The following ZNF566 variants were observed in gnomAD, a reference collection of about 807,000 sequenced individuals.
The protein encoded by ZNF566 is zinc finger protein 566.
Under a neutral mutation model 32.8 loss-of-function variants are expected in ZNF566, and 27 were observed. That is an observed-to-expected ratio of 0.82 (90% confidence interval 0.61 to 1.14). The LOEUF is 1.14. ZNF566 is among the 50% of genes most tolerant of loss of function. ZNF566 has a pLI of 0.00. For synonymous variants in ZNF566, 154 were observed against 159.5 expected (o/e 0.97, Z 0.26); for missense variants, 402 against 490.4 (o/e 0.82, Z 1.70).
chr19:36,448,864 T>C lies in ZNF566; in HGVS notation c.*113A>G. 1 of 898,948 alleles carries C rather than the reference T, an allele frequency of 1.1e-6. No individual in the cohort carries two copies. Among genetic ancestry groups the C allele is most frequent in the East Asian group, 2.8e-5 (1 of 36,330 alleles). 55.7% of individuals were successfully genotyped at this position (898,948 alleles called of 1,614,324 possible). On this transcript the variant is annotated 3_prime_UTR_variant, in exon 5 of 5. Coordinates refer to ENST00000452939, the MANE Select transcript of ZNF566 (RefSeq NM_001145344.1). ...TTTTCCCAGGCTGAATAAGCTGTAG[T>C]CCACAAATAAAATGTTTCTACATTA...
chr19:36,472,673 A>G (rs1438244529), intron 4 of ZNF566, among the ~76,000 whole-genome samples: 1 of 152,214 alleles, frequency 6.6e-6, no homozygotes, highest in Admixed American at 6.5e-5. Context: ...GAATATCACT[A>G]GAAAGGGTGG....
chr19:36,459,511 C>G (rs1033254782), intron 4 of ZNF566, among the ~76,000 whole-genome samples: 3 of 149,890 alleles, frequency 2.0e-5, no homozygotes, highest in Non-Finnish European at 4.4e-5. Context: ...CCGCTCCCAG[C>G]CTATTACTTT....
rs767956810 is a variant in ZNF566 at position 36,472,947 on chromosome 19, A to G, written c.196T>C (p.Leu66=). Residue 66 remains leucine, a synonymous_variant, in exon 4 of 5, where the codon TTG becomes CTG. Transcript: ENST00000452939. ...SYLEQGKEPW[L]ADRELTRGQW... ...CCTCTTGTTAGCTCTCTGTCAGCCAACCAGGGCTCCTTCCCTTGCTCCAAG... is the reference window on the plus strand; with the variant it reads ...CCTCTTGTTAGCTCTCTGTCAGCCAGCCAGGGCTCCTTCCCTTGCTCCAAG... 2.5e-6 allele frequency: 4 copies of G among 1,614,000 alleles called. No individual in the cohort carries two copies. In the African/African-American group the frequency reaches 4.0e-5, roughly 16 times the overall value.
intron 1 of ZNF566, among the ~76,000 whole-genome samples, chr19:36,485,936 C>A (rs1376326750): frequency 6.6e-6 from 1 of 151,972 alleles, no homozygotes; most frequent in Non-Finnish European, 1.5e-5. Flanking sequence ...CTCCTATAGT[C>A]CCAGCTGCTC....
chr19:36,478,563 A>T (rs1047326625), intron 1 of ZNF566, among the ~76,000 whole-genome samples: 21 of 151,710 alleles, frequency 1.4e-4, no homozygotes, highest in African/African-American at 4.6e-4. Flanking sequence ...CCCATGCTGA[A>T]TTCTTACATC....
In ZNF566 at chr19:36,472,949, C is replaced by A. The variant is rs1444896425; in HGVS notation, c.194G>T (p.Trp65Leu). The change falls in exon 4 of 5, where the codon TGG becomes TTG. Residue 65 changes from tryptophan (W) to leucine (L), a missense_variant. This residue lies in a region of ZNF566 where 220 missense variants were observed against 241.9 expected (regional missense o/e 0.91). Transcript: ENST00000452939. ...ISYLEQGKEP[W>L]LADRELTRGQ... Reference sequence around the variant, plus strand: ...TCTTGTTAGCTCTCTGTCAGCCAACCAGGGCTCCTTCCCTTGCTCCAAGTA... The same window carrying A: ...TCTTGTTAGCTCTCTGTCAGCCAACAAGGGCTCCTTCCCTTGCTCCAAGTA... 2 of 1,613,932 alleles carry A rather than the reference C, an allele frequency of 1.2e-6. No individual in the cohort carries two copies. The highest frequency in any genetic ancestry group is 2.2e-5 in the South Asian group (2 of 91,068).
intron 4 of ZNF566, among the ~76,000 whole-genome samples, chr19:36,458,172 A>G (rs1326295036): frequency 6.6e-6 from 1 of 152,194 alleles, no homozygotes; most frequent in East Asian, 1.9e-4. Context: ...AGCATCATTC[A>G]TGATAGCCAA....
intron 4 of ZNF566, among the ~76,000 whole-genome samples, chr19:36,470,812 A>G (rs2033743719): frequency 6.6e-6 from 1 of 152,096 alleles, no homozygotes; most frequent in African/African-American, 2.4e-5. Context: ...CGGGAGGATG[A>G]GGCACGAGAA....
At position 36,448,898 on chromosome 19, in the gene ZNF566, A is replaced by C; in HGVS notation, c.*79T>G. ...AAAATGTTTCTACATTATTCTATCT[A>C]GAGGAATTATTAACAAGATAAATTC... On this transcript the variant is annotated 3_prime_UTR_variant, in exon 5 of 5. Coordinates refer to ENST00000452939, the MANE Select transcript of ZNF566 (RefSeq NM_001145344.1). 1 of 1,197,642 alleles carries C rather than the reference A, an allele frequency of 8.3e-7. No individual in the cohort carries two copies. The highest frequency in any genetic ancestry group is 1.2e-6 in the Non-Finnish European group (1 of 868,144). The allele number at this position is 1,197,642 out of a possible 1,614,324, so 74.2% of individuals were successfully genotyped here. A position where few individuals can be genotyped will look rare whatever the true frequency, so the allele number is the denominator to read the frequency against.
At position 36,448,885 on chromosome 19, in the gene ZNF566, C is replaced by T. The variant is rs994494338; in HGVS notation, c.*92G>A. The T allele has an allele frequency of 9.2e-6, 10 of 1,087,924 alleles. No individual in the cohort carries two copies. Among genetic ancestry groups the T allele is most frequent in the African/African-American group, 3.2e-5 (2 of 62,546 alleles). 67.4% of individuals were successfully genotyped at this position (1,087,924 alleles called of 1,614,324 possible). A position where few individuals can be genotyped will look rare whatever the true frequency, so the allele number is the denominator to read the frequency against. Reference sequence around the variant, plus strand: ...GTAGTCCACAAATAAAATGTTTCTACATTATTCTATCTAGAGGAATTATTA... The same window carrying T: ...GTAGTCCACAAATAAAATGTTTCTATATTATTCTATCTAGAGGAATTATTA... On this transcript the variant is annotated 3_prime_UTR_variant, in exon 5 of 5. Transcript: ENST00000452939.
intron 3 of ZNF566, 34 bp from the exon 4 acceptor site, chr19:36,473,040 C>A: frequency 6.4e-7 from 1 of 1,565,624 alleles, no homozygotes. Flanking sequence ...ACAAATTTAT[C>A]ATGAGCATAT....
chr19:36,471,011 A>G (rs913412094), intron 4 of ZNF566, among the ~76,000 whole-genome samples: 6 of 151,608 alleles, frequency 4.0e-5, no homozygotes, highest in Non-Finnish European at 5.9e-5. Context: ...GATTGAGATC[A>G]TCCTGGCTAA....
chr19:36,470,281 A>T (rs569831612), intron 4 of ZNF566, among the ~76,000 whole-genome samples: 29 of 152,350 alleles, frequency 1.9e-4, no homozygotes, highest in Middle Eastern at 3.4e-3. Context: ...GCGTCCAGTA[A>T]GCCCTGAAGC....
At chr19:36,472,081 G>A (rs1161246736) in intron 4 of ZNF566, among the ~76,000 whole-genome samples, 1 of 152,120 alleles carries the variant, frequency 6.6e-6, no homozygotes. Flanking sequence ...TCAGTGTTGA[G>A]AATAGTGCTG....
intron 2 of ZNF566, among the ~76,000 whole-genome samples, chr19:36,474,195 C>T (rs1316248453): frequency 1.3e-5 from 2 of 152,132 alleles, no homozygotes; most frequent in Admixed American, 1.3e-4. Context: ...TTCAGGAAAG[C>T]TGTGACTGAG....
intron 1 of ZNF566, among the ~76,000 whole-genome samples, chr19:36,485,144 G>T (rs907847714): frequency 6.6e-6 from 1 of 151,646 alleles, no homozygotes; most frequent in African/African-American, 2.4e-5. Context: ...TCAGGCAAAC[G>T]CAAATTGAAA....
intron 1 of ZNF566, among the ~76,000 whole-genome samples, chr19:36,484,653 G>A (rs951375559): frequency 2.1e-5 from 3 of 144,778 alleles, no homozygotes; most frequent in Non-Finnish European, 3.0e-5. Flanking sequence ...GCAGTGGCGC[G>A]ATCTCAGCTC....
In ZNF566 at chr19:36,449,149, G is replaced by A. The variant is rs2033072929; in HGVS notation, c.1085C>T (p.Thr362Ile). 1.2e-6 allele frequency: 2 copies of A among 1,613,928 alleles called. No individual in the cohort carries two copies. The highest frequency in any genetic ancestry group is 1.7e-6 in the Non-Finnish European group (2 of 1,180,010). Residue 362 changes from threonine to isoleucine, a missense_variant, in exon 5 of 5, where the codon ACT becomes ATT. By Grantham distance (89) the Thr-to-Ile change is moderately conservative (BLOSUM62 -1). Coordinates refer to ENST00000452939, the MANE Select transcript of ZNF566 (RefSeq NM_001145344.1). ...SDLTRHQRIHTGEKPYECKIC... is the reference protein window; with the variant it reads ...SDLTRHQRIHIGEKPYECKIC... ...CTTACATTCATAGGGTTTCTCCCCA[G>A]TATGAATTCTCTGATGTCTAGTAAG...
intron 4 of ZNF566, among the ~76,000 whole-genome samples, chr19:36,463,950 T>A (rs1181752686): frequency 6.6e-6 from 1 of 152,066 alleles, no homozygotes; most frequent in African/African-American, 2.4e-5. Flanking sequence ...GGTCTCGAAC[T>A]CCTGGCCTCA....
Sources: gnomAD v4.1 joint callset for allele counts (sites outside exome capture counted in the v4.1 genomes callset) on GRCh38, gnomAD v4.1.1 for gene constraint, gnomAD v4.1.1 regional missense constraint, MANE v1.5 for transcripts, NCBI Gene and HGNC (gene_info 2026-07-23, HGNC 2026-07-21) for gene names.